The following CNTNAP2 variants were observed in gnomAD, a reference collection of about 807,000 sequenced individuals.
CNTNAP2 encodes contactin-associated protein-like 2.
Under a neutral mutation model 155.2 loss-of-function variants are expected in CNTNAP2, and 98 were observed. The observed-to-expected ratio is 0.63, with a 90% CI of 0.54 to 0.75. The LOEUF is 0.75. CNTNAP2 is among the 30% of genes least tolerant of loss of function. The pLI is 0.00. For synonymous variants in CNTNAP2, 651 were observed against 631.2 expected, an observed-to-expected ratio of 1.03 and a Z score of -0.47; for missense variants, 1,727 against 1,688.1, an observed-to-expected ratio of 1.02 and a Z score of -0.40.
At chr7:146,750,574 G>T (rs1198793092) in intron 1 of CNTNAP2, among the ~76,000 whole-genome samples, 4 of 151,610 alleles carry the variant, frequency 2.6e-5, no homozygotes, top group African/African-American at 7.3e-5. Flanking sequence ...TTCTTGAGCA[G>T]GTTGCTATTG....
At chr7:147,674,671 T>C (rs1376446481) in intron 13 of CNTNAP2, among the ~76,000 whole-genome samples, 1 of 152,136 alleles carries the variant, frequency 6.6e-6, no homozygotes, top group African/African-American at 2.4e-5. Context: ...ATCTTCATCA[T>C]GATAAGATTC....
At chr7:148,366,026 ATG>A (rs1440220073) in intron 21 of CNTNAP2, among the ~76,000 whole-genome samples, 60 of 982 alleles carry the variant, frequency 0.061, 30 homozygotes, top group African/African-American at 0.066. Flanking sequence ...GCATGTATGC[ATG>A]TGTGTGTATG....
intron 4 of CNTNAP2, among the ~76,000 whole-genome samples, chr7:147,060,874 T>C (rs369604194): frequency 6.7e-6 from 1 of 148,896 alleles, no homozygotes; most frequent in Non-Finnish European, 1.5e-5. Flanking sequence ...AAAAAAAAAA[T>C]AGAAAAAGAA....
intron 15 of CNTNAP2, among the ~76,000 whole-genome samples, chr7:147,999,296 G>A (rs1563162669): frequency 6.6e-6 from 1 of 151,986 alleles, no homozygotes; most frequent in African/African-American, 2.4e-5. Context: ...TTGGCCAGAT[G>A]GTCTCCTGAC....
intron 10 of CNTNAP2, among the ~76,000 whole-genome samples, chr7:147,464,205 C>T (rs1169465131): frequency 6.6e-6 from 1 of 152,022 alleles, no homozygotes; most frequent in African/African-American, 2.4e-5. Flanking sequence ...TGGTGGCTCA[C>T]ACTTGTAATT....
intron 9 of CNTNAP2, among the ~76,000 whole-genome samples, chr7:147,319,255 AC>A (rs1270384172): frequency 5.3e-5 from 8 of 152,200 alleles, no homozygotes; most frequent in Non-Finnish European, 1.0e-4. Flanking sequence ...TTCTTTAAAA[AC>A]ATTAAGTATA....
Position 146,826,851 on chromosome 7 carries a change from TATATATAG to T in CNTNAP2, c.209-12858_209-12851del, listed in dbSNP as rs1003702294. On this transcript the variant is annotated intron_variant, in intron 2 of 23. Transcript: ENST00000361727. ...ATGAATATATGTATATATATATATA[TATATATAG>T]AGAGAGAGAGAGAGAGAGAGACTTG... Among the ~76,000 whole-genome samples, 242 of 142,508 alleles carry T rather than the reference TATATATAG, an allele frequency of 1.7e-3. 5 individuals are homozygous for T. The East Asian group carries it at 0.044, about 26-fold the overall frequency. 93.5% of individuals were successfully genotyped at this position (142,508 alleles called of 152,430 possible).
intron 13 of CNTNAP2, among the ~76,000 whole-genome samples, chr7:147,791,257 A>G (rs1325699138): frequency 6.6e-6 from 1 of 150,962 alleles, no homozygotes; most frequent in Non-Finnish European, 1.5e-5. Flanking sequence ...TTTCCCTTCC[A>G]TTTCTTTCCA....
At chr7:146,156,929 T>C (rs1000959888) in intron 1 of CNTNAP2, among the ~76,000 whole-genome samples, 2 of 152,222 alleles carry the variant, frequency 1.3e-5, no homozygotes, top group African/African-American at 4.8e-5. Flanking sequence ...TAGACGCTCT[T>C]CTTTGAACTT....
At chr7:147,070,367 A>G (rs1005787102) in intron 4 of CNTNAP2, among the ~76,000 whole-genome samples, 1 of 152,218 alleles carries the variant, frequency 6.6e-6, no homozygotes, top group Non-Finnish European at 1.5e-5. Context: ...ATGAGCTATC[A>G]ATTCTTCTGT....
chr7:147,675,969 G>A (rs1416009167), intron 13 of CNTNAP2, among the ~76,000 whole-genome samples: 1 of 152,038 alleles, frequency 6.6e-6, no homozygotes, highest in African/African-American at 2.4e-5. Context: ...TGTTGTATTA[G>A]ATAATAGCGT....
At chr7:148,061,986 G>A (rs368042444) in intron 15 of CNTNAP2, among the ~76,000 whole-genome samples, 2 of 135,286 alleles carry the variant, frequency 1.5e-5, no homozygotes, top group Admixed American at 7.7e-5. Flanking sequence ...TAGATAGATA[G>A]ATAGATAGAT....
intron 1 of CNTNAP2, among the ~76,000 whole-genome samples, chr7:146,456,812 A>G (rs1461544751): frequency 2.0e-5 from 3 of 152,092 alleles, no homozygotes; most frequent in African/African-American, 7.2e-5. Flanking sequence ...AATGTGGATG[A>G]TTTATGCTTC....
At chr7:146,540,277 T>C (rs1797931211) in intron 1 of CNTNAP2, among the ~76,000 whole-genome samples, 1 of 152,118 alleles carries the variant, frequency 6.6e-6, no homozygotes, top group South Asian at 2.1e-4. Context: ...TTCAATGTTC[T>C]GTTGAGAGTT....
At chr7:148,080,334 G>A (rs969702792) in intron 15 of CNTNAP2, among the ~76,000 whole-genome samples, 7 of 152,086 alleles carry the variant, frequency 4.6e-5, no homozygotes, top group Non-Finnish European at 7.4e-5. Context: ...GGCCGGGCAC[G>A]GTGGCTCAAG....
intron 13 of CNTNAP2, among the ~76,000 whole-genome samples, chr7:147,834,413 T>TG (rs1798602512): frequency 6.6e-6 from 1 of 152,186 alleles, no homozygotes; most frequent in African/African-American, 2.4e-5. Flanking sequence ...TGTGTTGGGG[T>TG]CTATGGAGGA....
chr7:146,620,688 T>TAGAC (rs1308479311), intron 1 of CNTNAP2, among the ~76,000 whole-genome samples: 4 of 152,296 alleles, frequency 2.6e-5, no homozygotes, highest in Admixed American at 6.5e-5. Context: ...CAGGAGATAT[T>TAGAC]AGACTTGACA....
chr7:146,655,961 T>C (rs1256683756), intron 1 of CNTNAP2, among the ~76,000 whole-genome samples: 1 of 152,226 alleles, frequency 6.6e-6, no homozygotes, highest in East Asian at 1.9e-4. Context: ...TAGGTTTTGT[T>C]TGGGTGATTT....
chr7:146,645,224 T>C (rs1244882538), intron 1 of CNTNAP2, among the ~76,000 whole-genome samples: 1 of 152,176 alleles, frequency 6.6e-6, no homozygotes, highest in Non-Finnish European at 1.5e-5. Flanking sequence ...GAATGAATAA[T>C]GAATGAATGT....
Sources: allele counts gnomAD v4.1 joint callset (sites outside exome capture counted in the v4.1 genomes callset), GRCh38; gene constraint gnomAD v4.1.1; transcripts MANE v1.5; gene names NCBI Gene and HGNC (gene_info 2026-07-23, HGNC 2026-07-21).